Variants in ZNF148 observed in about 807,000 individuals in gnomAD.
ZNF148 encodes the protein Beta-Enolase Repressor Factor-1.
A neutral mutation model predicts 67.7 loss-of-function variants in ZNF148; 7 were observed. The ratio of observed to expected loss-of-function variants is 0.10; its 90% CI spans 0.06 to 0.19. ZNF148 has a LOEUF of 0.19. Among genes scored for constraint, ZNF148 ranks in the 10% least tolerant of loss-of-function variants. The pLI is 1.00. For synonymous variants in ZNF148, 333 were observed against 330.7 expected (o/e 1.01, Z -0.08); for missense variants, 583 against 947.1 (o/e 0.62, Z 5.05).
At chr3:125,264,794 A>G (rs1937495410) in intron 7 of ZNF148, among the ~76,000 whole-genome samples, 2 of 152,246 alleles carry the variant, frequency 1.3e-5, no homozygotes, top group African/African-American at 4.8e-5. Flanking sequence ...ATACTTTGCT[A>G]GAGTATGATA....
intron 2 of ZNF148, among the ~76,000 whole-genome samples, chr3:125,323,821 G>A (rs542040862): frequency 1.8e-4 from 27 of 152,120 alleles, no homozygotes; most frequent in Non-Finnish European, 3.1e-4. Flanking sequence ...TTAGCCAGGC[G>A]TGGCAGCCGG....
chr3:125,324,208 T>TACAA (rs1940920158), intron 2 of ZNF148, among the ~76,000 whole-genome samples: 1 of 151,986 alleles, frequency 6.6e-6, no homozygotes, highest in Non-Finnish European at 1.5e-5. Flanking sequence ...AGAAACTACT[T>TACAA]ACAAACAGTA....
intron 7 of ZNF148, among the ~76,000 whole-genome samples, chr3:125,249,225 G>A (rs1158544014): frequency 6.6e-6 from 1 of 152,044 alleles, no homozygotes; most frequent in African/African-American, 2.4e-5. Flanking sequence ...AAAATGAAAA[G>A]ATAACCTATG....
rs895587626 is a variant in ZNF148, at chr3:125,328,551, T to C, written c.-153+2607A>G. Among the ~76,000 whole-genome samples, 15 of 152,164 alleles carry C rather than the reference T, an allele frequency of 9.9e-5. No individual in the cohort carries two copies. The South Asian group carries it at 2.5e-3, about 25-fold the overall frequency. ...TAGTGTGTAAAATTTAAATATACAC[T>C]ATGTATGTTACCATAAATATACACT... On this transcript the variant is annotated intron_variant, in intron 2 of 8. Transcript: ENST00000360647.
At chr3:125,276,987 T>C (rs1938110669) in intron 7 of ZNF148, among the ~76,000 whole-genome samples, 1 of 152,234 alleles carries the variant, frequency 6.6e-6, no homozygotes, top group African/African-American at 2.4e-5. Flanking sequence ...TTCTCAATTC[T>C]ATTCAAATGT....
chr3:125,252,099 T>C (rs1936864983), intron 7 of ZNF148, among the ~76,000 whole-genome samples: 1 of 152,198 alleles, frequency 6.6e-6, no homozygotes, highest in Non-Finnish European at 1.5e-5. Flanking sequence ...TTCTGTGAAG[T>C]GTCTATTCAA....
At chr3:125,342,738 A>G (rs1941782965) in intron 1 of ZNF148, among the ~76,000 whole-genome samples, 1 of 152,238 alleles carries the variant, frequency 6.6e-6, no homozygotes, top group South Asian at 2.1e-4. Flanking sequence ...GGTATAAACA[A>G]GACTTTTTCT....
chr3:125,269,730 TAAAGAA>T (rs1409558862), intron 7 of ZNF148, among the ~76,000 whole-genome samples: 2 of 151,932 alleles, frequency 1.3e-5, no homozygotes, highest in Non-Finnish European at 2.9e-5. Context: ...GTGGACTAGA[TAAAGAA>T]AATGTGGTAC....
At chr3:125,374,632 C>G (rs971859630) in intron 1 of ZNF148, among the ~76,000 whole-genome samples, 3 of 152,080 alleles carry the variant, frequency 2.0e-5, no homozygotes, top group African/African-American at 7.2e-5. Context: ...TCCCTTTTCT[C>G]CAACCCCTGC....
At chr3:125,369,703 T>C (rs1942816494) in intron 1 of ZNF148, among the ~76,000 whole-genome samples, 1 of 152,152 alleles carries the variant, frequency 6.6e-6, no homozygotes, top group African/African-American at 2.4e-5. Flanking sequence ...ACAACTGTCT[T>C]TCTCTCTCAA....
chr3:125,298,895 G>A (rs1939436111), intron 4 of ZNF148, among the ~76,000 whole-genome samples: 1 of 152,032 alleles, frequency 6.6e-6, no homozygotes, highest in Admixed American at 6.6e-5. Flanking sequence ...CCAAAGTGCT[G>A]GGATTACAGG....
Position 125,291,260 on chromosome 3 carries a change from T to C in ZNF148, c.334-3032A>G, listed in dbSNP as rs1938996427. On this transcript the variant is annotated intron_variant, in intron 4 of 8. Transcript: ENST00000360647. Reference sequence around the variant, plus strand: ...AGCATTATCATCTCCCAATGTATTCTTCTACAAATAAATGAATATAAAACT... The same window carrying C: ...AGCATTATCATCTCCCAATGTATTCCTCTACAAATAAATGAATATAAAACT... 1.3e-5 allele frequency among the ~76,000 whole-genome samples: 2 copies of C among 152,168 alleles called. 1 individual carries two copies. The highest frequency in any genetic ancestry group is 1.3e-4 in the Admixed American group (2 of 15,260).
chr3:125,337,332 A>G (rs1401399614), intron 1 of ZNF148, among the ~76,000 whole-genome samples: 2 of 152,208 alleles, frequency 1.3e-5, no homozygotes, highest in Non-Finnish European at 2.9e-5. Flanking sequence ...TACTAAAGAG[A>G]TAGAACTTTT....
At chr3:125,287,423 G>A (rs1028341909) in intron 5 of ZNF148, among the ~76,000 whole-genome samples, 2 of 152,172 alleles carry the variant, frequency 1.3e-5, no homozygotes, top group Non-Finnish European at 2.9e-5. Context: ...AGGACGGCTT[G>A]AGACCAGGAG....
intron 7 of ZNF148, among the ~76,000 whole-genome samples, chr3:125,247,334 G>T (rs1478029673): frequency 6.6e-6 from 1 of 152,052 alleles, no homozygotes; most frequent in African/African-American, 2.4e-5. Context: ...TATTTTTTCT[G>T]GGTTTTCTTT....
chr3:125,306,163 G>A (rs1232484414), intron 4 of ZNF148, among the ~76,000 whole-genome samples: 3 of 152,146 alleles, frequency 2.0e-5, no homozygotes, highest in Admixed American at 6.5e-5. Context: ...CAAAAGCTAT[G>A]CTGAGAAAAA....
intron 7 of ZNF148, among the ~76,000 whole-genome samples, chr3:125,240,316 A>T (rs1936291953): frequency 6.6e-6 from 1 of 152,172 alleles, no homozygotes; most frequent in African/African-American, 2.4e-5. Flanking sequence ...TAACATGGCG[A>T]AACACCCCCA....
intron 7 of ZNF148, among the ~76,000 whole-genome samples, chr3:125,254,688 T>C (rs577426627): frequency 3.2e-4 from 49 of 151,678 alleles, no homozygotes; most frequent in African/African-American, 1.1e-3. Flanking sequence ...GGTTGTTTCA[T>C]ACACTGCATT....
rs1579937358 is a variant in ZNF148, at chr3:125,375,264, T to C, written c.-396A>G. ...TGCGCCTTTCTCCTCTTCCTCCCCCTCCTCCTCCTCCTCCTCTTCCTCCTT... is the reference window on the plus strand; with the variant it reads ...TGCGCCTTTCTCCTCTTCCTCCCCCCCCTCCTCCTCCTCCTCTTCCTCCTT... On this transcript the variant is annotated 5_prime_UTR_variant, in exon 1 of 9. Coordinates refer to ENST00000360647, the MANE Select transcript of ZNF148 (RefSeq NM_021964.3). 1 of 149,018 alleles carries C rather than the reference T, an allele frequency of 6.7e-6. No individual in the cohort carries two copies. The highest frequency in any genetic ancestry group is 1.5e-5 in the Non-Finnish European group (1 of 66,908). The allele number at this position is 149,018 out of a possible 1,614,324, so 9.2% of individuals were successfully genotyped here.
Sources: allele counts gnomAD v4.1 joint callset (sites outside exome capture counted in the v4.1 genomes callset), GRCh38; gene constraint gnomAD v4.1.1; transcripts MANE v1.5; gene names NCBI Gene and HGNC (gene_info 2026-07-23, HGNC 2026-07-21).